The following NXN variants were observed in gnomAD, a reference collection of about 807,000 sequenced individuals.
NXN encodes nucleoredoxin.
In NXN, 16 loss-of-function variants were observed where a neutral mutation model predicts 48.6. The ratio of observed to expected loss-of-function variants is 0.33; its 90% confidence interval spans 0.22 to 0.50. The LOEUF (loss-of-function observed/expected upper bound fraction) is 0.50, where lower values mean the gene tolerates loss of function less well. Among genes scored for constraint, NXN ranks in the 20% least tolerant of loss-of-function variants. The pLI, the probability that NXN is intolerant of heterozygous loss-of-function variation, is 0.98. For synonymous variants in NXN, 281 were observed against 269.6 expected, an observed-to-expected ratio of 1.04 and a Z score of -0.41; for missense variants, 492 against 605.5, an observed-to-expected ratio of 0.81 and a Z score of 1.97.
rs2586269 is a variant in NXN at position 972,076 on chromosome 17, G to A, written c.360+7243C>T. 8.5e-3 allele frequency among the ~76,000 whole-genome samples: 1,291 copies of A among 152,258 alleles called. 16 individuals are homozygous for A. The highest frequency in any genetic ancestry group is 0.029 in the African/African-American group (1,222 of 41,552). On this transcript the variant is annotated intron_variant, in intron 1 of 7. Transcript: ENST00000336868. ...AGCACTTTGGGAGGCCAAGGCAGGCGGACCACCTAAGGTTGGGAGTTGGAG... is the reference window on the plus strand; with the variant it reads ...AGCACTTTGGGAGGCCAAGGCAGGCAGACCACCTAAGGTTGGGAGTTGGAG...
chr17:873,493 C>CAAAAAAAAAAAAAAAAAAAA (rs71145783), intron 1 of NXN, among the ~76,000 whole-genome samples: 12 of 74,980 alleles, frequency 1.6e-4, no homozygotes, highest in African/African-American at 5.9e-4. Context: ...ACACTGTCTC[C>CAAAAAAAAAAAAAAAAAAAA]AAAAAAAAAA....
intron 1 of NXN, among the ~76,000 whole-genome samples, chr17:839,416 C>A (rs1464012800): frequency 6.6e-6 from 1 of 151,072 alleles, no homozygotes; most frequent in East Asian, 2.0e-4. Flanking sequence ...GCCCGGGCAA[C>A]CAGAGTGAAA....
At chr17:966,462 C>G (rs2069304764) in intron 1 of NXN, among the ~76,000 whole-genome samples, 1 of 152,070 alleles carries the variant, frequency 6.6e-6, no homozygotes, top group African/African-American at 2.4e-5. Flanking sequence ...ATTCTCCTGC[C>G]TCAGCCTCCC....
intron 1 of NXN, chr17:930,106 G>A (rs978379120): frequency 3.3e-5 from 5 of 152,126 alleles, no homozygotes; most frequent in African/African-American, 1.2e-4. Flanking sequence ...GAGGAGGACT[G>A]GTAACTCCCA....
At chr17:898,633 T>C (rs1304654241) in intron 1 of NXN, among the ~76,000 whole-genome samples, 2 of 72,504 alleles carry the variant, frequency 2.8e-5, no homozygotes, top group African/African-American at 6.3e-5. Flanking sequence ...GAGGCTAAGG[T>C]GGGAGGACCA....
chr17:962,496 C>T (rs1199986146), intron 1 of NXN, among the ~76,000 whole-genome samples: 1 of 152,022 alleles, frequency 6.6e-6, no homozygotes, highest in African/African-American at 2.4e-5. Flanking sequence ...GGTAAAACCC[C>T]GTCTCTACCA....
At chr17:894,737 A>C (rs2068457592) in intron 1 of NXN, among the ~76,000 whole-genome samples, 1 of 152,242 alleles carries the variant, frequency 6.6e-6, no homozygotes, top group Non-Finnish European at 1.5e-5. Context: ...TGGTGTCCGC[A>C]GGGACGGGCG....
At chr17:817,626 G>T (rs550123588) in intron 5 of NXN, among the ~76,000 whole-genome samples, 2 of 148,126 alleles carry the variant, frequency 1.4e-5, no homozygotes, top group African/African-American at 5.0e-5. Flanking sequence ...CCAAGATTGC[G>T]CCACTGCACT....
chr17:896,854 A>AGCGGGGGG, intron 1 of NXN: 1 of 908,602 alleles, frequency 1.1e-6, no homozygotes, highest in Non-Finnish European at 1.5e-6. Context: ...CGCGGTCCTG[A>AGCGGGGGG]CCACCCGCCC....
chr17:808,470 T>C lies in NXN; in HGVS notation c.821-3223A>G, dbSNP rs1003869073. Among the ~76,000 whole-genome samples the C allele has an allele frequency of 6.6e-4, 101 of 151,942 alleles. 1 individual carries two copies. Among genetic ancestry groups the C allele is most frequent in the Non-Finnish European group, 1.9e-4 (13 of 67,970 alleles). On this transcript the variant is annotated intron_variant, in intron 5 of 7. Coordinates refer to ENST00000336868, the MANE Select transcript of NXN (RefSeq NM_022463.5). ...GGTACACACCACCACACCCAGATAA[T>C]TTTTAGTAGAAACGGGGTTTCCCCA...
intron 1 of NXN, among the ~76,000 whole-genome samples, chr17:832,298 C>T (rs967314558): frequency 3.7e-4 from 56 of 152,108 alleles, no homozygotes; most frequent in African/African-American, 1.3e-3. Flanking sequence ...CTGCCTCAGC[C>T]TCCTGAGTAG....
intron 5 of NXN, among the ~76,000 whole-genome samples, chr17:806,413 C>G (rs1194505233): frequency 6.6e-6 from 1 of 152,124 alleles, no homozygotes; most frequent in African/African-American, 2.4e-5. Context: ...TCAATGAAAA[C>G]TCAGAGAAAG....
chr17:803,468 C>CCGAGCATGGA (rs1253177429), intron 7 of NXN, among the ~76,000 whole-genome samples: 11 of 152,340 alleles, frequency 7.2e-5, no homozygotes, highest in Non-Finnish European at 1.2e-4. Context: ...CCTGAGGCTG[C>CCGAGCATGGA]CGAGCATGGA....
chr17:829,458 C>CTT (rs34243095), intron 1 of NXN, among the ~76,000 whole-genome samples: 6,884 of 140,976 alleles, frequency 0.049, 196 homozygotes, highest in Middle Eastern at 0.14. Flanking sequence ...CTCGGACTAT[C>CTT]TTTTTTTTTT....
intron 1 of NXN, chr17:959,178 C>A: frequency 1.1e-6 from 1 of 938,884 alleles, no homozygotes; most frequent in Non-Finnish European, 1.5e-6. Context: ...GAGGTGGTTC[C>A]CCGCCACGTA....
chr17:819,011 A>G (rs989533585), intron 5 of NXN: 7 of 291,998 alleles, frequency 2.4e-5, no homozygotes, highest in African/African-American at 1.6e-4. Context: ...CAATAGCACA[A>G]TCTCGGCTCA....
At chr17:855,126 A>G (rs1567835449) in intron 1 of NXN, among the ~76,000 whole-genome samples, 1 of 152,078 alleles carries the variant, frequency 6.6e-6, no homozygotes, top group African/African-American at 2.4e-5. Flanking sequence ...AAAGTAAAAC[A>G]TTAGCTGGGT....
chr17:818,229 C>T (rs1597625606), intron 5 of NXN, among the ~76,000 whole-genome samples: 2 of 152,198 alleles, frequency 1.3e-5, no homozygotes, highest in East Asian at 3.9e-4. Flanking sequence ...CCACTGCACT[C>T]CAGCCTGGGC....
At chr17:815,471 T>C (rs376916913) in intron 5 of NXN, among the ~76,000 whole-genome samples, 67 of 138,134 alleles carry the variant, frequency 4.9e-4, no homozygotes, top group South Asian at 1.5e-3. Context: ...GATGAGGCAC[T>C]CACAGTTCAG....
Sources: gnomAD v4.1 joint callset for allele counts (sites outside exome capture counted in the v4.1 genomes callset) on GRCh38, gnomAD v4.1.1 for gene constraint, MANE v1.5 for transcripts, NCBI Gene and HGNC (gene_info 2026-07-23, HGNC 2026-07-21) for gene names.